Variants in CYS1 observed in about 807,000 individuals in gnomAD.
CYS1 encodes the protein cystin-1.
CYS1 carries 5 observed loss-of-function variants against 9.6 expected under a neutral mutation model. The ratio of observed to expected loss-of-function variants is 0.52; its 90% CI spans 0.27 to 1.10. CYS1 has a LOEUF of 1.10. Among genes scored for constraint, CYS1 ranks in the 50% least tolerant of loss-of-function variants. The pLI, the probability that CYS1 is intolerant of heterozygous loss-of-function variation, is 0.11. For synonymous variants in CYS1, 88 were observed against 95.7 expected (o/e 0.92, Z 0.47); for missense variants, 221 against 207.9 (o/e 1.06, Z -0.39).
At chr2:10,065,655 C>A (rs945548107) in intron 2 of CYS1, among the ~76,000 whole-genome samples, 3 of 152,236 alleles carry the variant, frequency 2.0e-5, no homozygotes, top group African/African-American at 7.2e-5. Flanking sequence ...GTTGGGCATG[C>A]CCTGGTCTGA....
intron 2 of CYS1, among the ~76,000 whole-genome samples, chr2:10,059,957 T>A (rs887991241): frequency 1.3e-5 from 2 of 152,262 alleles, no homozygotes; most frequent in Non-Finnish European, 2.9e-5. Flanking sequence ...CCAGACCTTC[T>A]GGACTTTGTG....
chr2:10,069,982 A>G (rs948707826), intron 1 of CYS1, among the ~76,000 whole-genome samples: 21 of 152,254 alleles, frequency 1.4e-4, no homozygotes, highest in African/African-American at 5.1e-4. Context: ...AGGCTGCCCC[A>G]GGAGGCAGTG....
Position 10,058,674 on chromosome 2 carries a change from C to T in CYS1, c.*179G>A. The stretch of plus-strand genomic sequence containing the variant: ...TAATCGCCCCCACCAGCAACCATGA[C>T]CGCCAGTGGCTGGCCCAGGTCAGCG... On this transcript the variant is annotated 3_prime_UTR_variant, in exon 3 of 3. Coordinates refer to ENST00000381813, the MANE Select transcript of CYS1 (RefSeq NM_001037160.3). The T allele has an allele frequency of 1.9e-6, 1 of 540,092 alleles. No individual in the cohort carries two copies. Among genetic ancestry groups the T allele is most frequent in the Non-Finnish European group, 3.2e-6 (1 of 309,642 alleles). The allele number at this position is 540,092 out of a possible 1,614,324, so 33.5% of individuals were successfully genotyped here. A position where few individuals can be genotyped will look rare whatever the true frequency, so the allele number is the denominator to read the frequency against.
chr2:10,079,402 G>C (rs1047035142), intron 1 of CYS1, among the ~76,000 whole-genome samples: 1 of 152,246 alleles, frequency 6.6e-6, no homozygotes, highest in African/African-American at 2.4e-5. Flanking sequence ...TTTTAGAACA[G>C]CAGGACTGTT....
Position 10,076,447 on chromosome 2 carries a change from A to C in CYS1, c.318+3459T>G. Among the ~76,000 whole-genome samples the C allele has an allele frequency of 2.0e-5, 3 of 151,508 alleles. No homozygotes were observed. Among genetic ancestry groups the C allele is most frequent in the East Asian group, 1.9e-4 (1 of 5,180 alleles). On this transcript the variant is annotated intron_variant, in intron 1 of 2. Coordinates refer to ENST00000381813, the MANE Select transcript of CYS1 (RefSeq NM_001037160.3). This position sits in a 1 kb window ranked among gnomAD's most constrained non-coding sequence, Gnocchi z 4.3. ...CCTCCTTGTGTCCTATTCTCCATGA[A>C]CTCCAGCCCAAGGCGCCTCCCACCA...
chr2:10,060,930 T>TCGCAGTGGCTCATGCCTGGCCCGG (rs563811819), intron 2 of CYS1, among the ~76,000 whole-genome samples: 14 of 152,342 alleles, frequency 9.2e-5, no homozygotes, highest in Admixed American at 3.9e-4. Context: ...GCTGTTAGTT[T>TCGCAGTGGCTCATGCCTGGCCCGG]CGCAGTGGCT....
intron 2 of CYS1, among the ~76,000 whole-genome samples, chr2:10,060,931 C>T (rs148108895): frequency 3.9e-4 from 59 of 152,222 alleles, no homozygotes; most frequent in African/African-American, 1.4e-3. Context: ...CTGTTAGTTT[C>T]GCAGTGGCTC....
intron 2 of CYS1, among the ~76,000 whole-genome samples, chr2:10,064,490 A>T (rs1443676968): frequency 6.6e-6 from 1 of 152,020 alleles, no homozygotes; most frequent in South Asian, 2.1e-4. Flanking sequence ...CCCCCTCTGC[A>T]GCAGCTTCTA....
chr2:10,066,775 T>C (rs533007551), intron 1 of CYS1, among the ~76,000 whole-genome samples: 1 of 152,306 alleles, frequency 6.6e-6, no homozygotes, highest in Non-Finnish European at 1.5e-5. Context: ...TGTTGAATCA[T>C]CAAAATCAGG....
In CYS1 at chr2:10,080,267, G is replaced by T; in HGVS notation, c.-44C>A. On this transcript the variant is annotated 5_prime_UTR_variant, in exon 1 of 3. Coordinates refer to ENST00000381813, the MANE Select transcript of CYS1 (RefSeq NM_001037160.3). This position sits in a 1 kb window ranked among gnomAD's most constrained non-coding sequence, Gnocchi z 6.4. ...CGGACCGCCGAGGGGGCCCCCATGA[G>T]GGGGCGCGGCCGGGGGCGGGGACGC... 5 of 1,021,590 alleles carry T rather than the reference G, an allele frequency of 4.9e-6. No homozygotes were observed. The highest frequency in any genetic ancestry group is 8.9e-5 in the South Asian group (2 of 22,374). 63.3% of individuals were successfully genotyped at this position (1,021,590 alleles called of 1,614,324 possible). A position where few individuals can be genotyped will look rare whatever the true frequency, so the allele number is the denominator to read the frequency against.
rs946622384 is a variant in CYS1 at position 10,080,042 on chromosome 2, A to C, written c.182T>G (p.Val61Gly). ...CTCGTCCCTGCCGTCGGGGGGCGCC[A>C]CGGGGCTGGGGTCGCGGCCGGGCGC... The part of the protein sequence containing the change: ...EEAPGRDPSP[V>G]APPDGRDETL... Residue 61 changes from valine to glycine, a missense_variant, in exon 1 of 3, where the codon GTG becomes GGG. Val to Gly is a moderately radical substitution (Grantham distance 109). Transcript: ENST00000381813. This position sits in a 1 kb window ranked among gnomAD's most constrained non-coding sequence, Gnocchi z 6.4. 8 of 1,054,878 alleles carry C rather than the reference A, an allele frequency of 7.6e-6. No individual in the cohort carries two copies. Among genetic ancestry groups the C allele is most frequent in the Admixed American group, 1.1e-4 (2 of 18,144 alleles). 65.3% of individuals were successfully genotyped at this position (1,054,878 alleles called of 1,614,324 possible). A position where few individuals can be genotyped will look rare whatever the true frequency, so the allele number is the denominator to read the frequency against.
At chr2:10,060,997 G>A (rs901158744) in intron 2 of CYS1, among the ~76,000 whole-genome samples, 3 of 152,134 alleles carry the variant, frequency 2.0e-5, no homozygotes, top group African/African-American at 7.2e-5. Flanking sequence ...TTGGGAGGCC[G>A]AGGCAGGTGG....
In CYS1 at chr2:10,080,320, G is replaced by T; in HGVS notation, c.-97C>A. 1.3e-6 allele frequency: 1 copy of T among 763,752 alleles called. No individual in the cohort carries two copies. Among genetic ancestry groups the T allele is most frequent in the Non-Finnish European group, 1.6e-6 (1 of 625,340 alleles). 47.3% of individuals were successfully genotyped at this position (763,752 alleles called of 1,614,324 possible). On this transcript the variant is annotated 5_prime_UTR_variant, in exon 1 of 3. The change creates a new upstream start codon in the 5' untranslated region. Transcript: ENST00000381813. This position sits in a 1 kb window ranked among gnomAD's most constrained non-coding sequence, Gnocchi z 6.4. ...GGGGGTGCGGCCGGGGCGGGCTGCA[G>T]GGGGAGGCGCGGGGCGAGGTCCGGG...
rs1661583876 is a variant in CYS1, at chr2:10,058,699, G to T, written c.*154C>A. The T allele has an allele frequency of 1.6e-6, 1 of 634,608 alleles. No individual in the cohort carries two copies. Among genetic ancestry groups the T allele is most frequent in the Non-Finnish European group, 2.7e-6 (1 of 377,238 alleles). 39.3% of individuals were successfully genotyped at this position (634,608 alleles called of 1,614,324 possible). A position where few individuals can be genotyped will look rare whatever the true frequency, so the allele number is the denominator to read the frequency against. On this transcript the variant is annotated 3_prime_UTR_variant, in exon 3 of 3. Transcript: ENST00000381813. Reference sequence around the variant, plus strand: ...CCGCCAGTGGCTGGCCCAGGTCAGCGCGGTCTGAAAGTGGATTTGAAAGGG... The same window carrying T: ...CCGCCAGTGGCTGGCCCAGGTCAGCTCGGTCTGAAAGTGGATTTGAAAGGG...
intron 1 of CYS1, among the ~76,000 whole-genome samples, chr2:10,069,905 G>A (rs1661742495): frequency 6.6e-6 from 1 of 152,174 alleles, no homozygotes; most frequent in Non-Finnish European, 1.5e-5. Context: ...GGCTCAGTGT[G>A]TCCCCACTAA....
Position 10,058,047 on chromosome 2 carries a change from GGGCGCTGGCTCCCCGCAGGGAA to G in CYS1, c.*784_*805del, listed in dbSNP as rs1661575382. On this transcript the variant is annotated 3_prime_UTR_variant, in exon 3 of 3. Coordinates refer to ENST00000381813, the MANE Select transcript of CYS1 (RefSeq NM_001037160.3). The stretch of plus-strand genomic sequence containing the variant: ...GGCAGACCCTCTCCCGGTTGGACCT[GGGCGCTGGCTCCCCGCAGGGAA>G]GGCACTGCTGTGCCTGGGGCAGGGG... 1 of 152,302 alleles carries G rather than the reference GGGCGCTGGCTCCCCGCAGGGAA, an allele frequency of 6.6e-6. No homozygotes were observed. The highest frequency in any genetic ancestry group is 1.5e-5 in the Non-Finnish European group (1 of 68,110). 9.4% of individuals were successfully genotyped at this position (152,302 alleles called of 1,614,324 possible). A position where few individuals can be genotyped will look rare whatever the true frequency, so the allele number is the denominator to read the frequency against.
At chr2:10,079,211 AC>A (rs1311600378) in intron 1 of CYS1, among the ~76,000 whole-genome samples, 1 of 151,926 alleles carries the variant, frequency 6.6e-6, no homozygotes, top group Non-Finnish European at 1.5e-5. Context: ...TGCGGTAGCC[AC>A]CCAGGAAGGC....
chr2:10,075,638 G>A (rs985154857), intron 1 of CYS1, among the ~76,000 whole-genome samples: 2 of 152,150 alleles, frequency 1.3e-5, no homozygotes, highest in African/African-American at 4.8e-5. Context: ...GCAGCTGCAT[G>A]CCAAGATTAC....
chr2:10,078,479 CCT>C (rs1661890352), intron 1 of CYS1, among the ~76,000 whole-genome samples: 1 of 152,222 alleles, frequency 6.6e-6, no homozygotes, highest in Admixed American at 6.5e-5. Flanking sequence ...TCTCCTAAGA[CCT>C]CTCTGACCCA....
Sources: allele counts gnomAD v4.1 joint callset (sites outside exome capture counted in the v4.1 genomes callset), GRCh38; gene constraint gnomAD v4.1.1; non-coding constraint Gnocchi (gnomAD v3.1); transcripts MANE v1.5; gene names NCBI Gene and HGNC (gene_info 2026-07-23, HGNC 2026-07-21).